CELF2: variants seen among roughly 807,000 people sequenced by gnomAD.
The protein encoded by CELF2 is CUGBP Elav-like family member 2.
CELF2 carries 8 observed loss-of-function variants against 62.6 expected under a neutral mutation model. The ratio of observed to expected loss-of-function variants is 0.13; its 90% confidence interval spans 0.07 to 0.23. The LOEUF (loss-of-function observed/expected upper bound fraction) is 0.23. CELF2 is among the 10% of genes least tolerant of loss of function. CELF2 has a pLI of 1.00. For synonymous variants in CELF2, 258 were observed against 250.0 expected (o/e 1.03, Z -0.30); for missense variants, 333 against 671.0 (o/e 0.50, Z 5.56).
chr10:10,776,514 T>C, the CELF2 span: 1 of 154,016 alleles, frequency 6.5e-6, no homozygotes, highest in African/African-American at 2.4e-5. Context: ...TTATGTATAA[T>C]ATTTGTCAAG....
At chr10:10,616,295 GGTGTGTGTGTGTGTGT>G in the CELF2 span, among the ~76,000 whole-genome samples, 8 of 143,954 alleles carry the variant, frequency 5.6e-5, no homozygotes, top group South Asian at 2.3e-4. Context: ...TTTTGTTTGG[GGTGTGTGTGTGTGTGT>G]GTGTGTGTGT....
chr10:11,275,843 G>T (rs956345739), intron 8 of CELF2, among the ~76,000 whole-genome samples: 2 of 152,140 alleles, frequency 1.3e-5, no homozygotes, highest in South Asian at 4.1e-4. Flanking sequence ...TACCTAACAC[G>T]GGGCCAGGGA....
chr10:11,239,791 G>C (rs2073097397), intron 3 of CELF2, among the ~76,000 whole-genome samples: 1 of 152,068 alleles, frequency 6.6e-6, no homozygotes, highest in South Asian at 2.1e-4. Flanking sequence ...AGGCACAGTG[G>C]GTCGTGCCTG....
Position 11,223,842 on chromosome 10 carries a change from GCCCAGGC to G in CELF2, c.354+6342_354+6348del, listed in dbSNP as rs2065647326. Among the ~76,000 whole-genome samples, 1 of 152,154 alleles carries G rather than the reference GCCCAGGC, an allele frequency of 6.6e-6. No homozygotes were observed. The highest frequency in any genetic ancestry group is 2.4e-5 in the African/African-American group (1 of 41,432). ...GGGCCCAGTGAGTTCCATTCTGCAG[GCCCAGGC>G]CCCAGGGCAATGGGAAAGTATATTT... On this transcript the variant is annotated intron_variant, in intron 3 of 12. Transcript: ENST00000633077. This position sits in a 1 kb window ranked among gnomAD's most constrained non-coding sequence, Gnocchi z 5.1.
intron 1 of CELF2, among the ~76,000 whole-genome samples, chr10:10,871,902 C>T (rs2060773815): frequency 6.6e-6 from 1 of 152,154 alleles, no homozygotes; most frequent in Non-Finnish European, 1.5e-5. Flanking sequence ...GTCCCTAAGT[C>T]TCCTATTATA....
intron 10 of CELF2, chr10:11,320,860 C>A: frequency 1.9e-6 from 3 of 1,543,964 alleles, no homozygotes; most frequent in Non-Finnish European, 2.6e-6. Context: ...TCCTAAGCTC[C>A]CAGAAGCAAA....
the CELF2 span, among the ~76,000 whole-genome samples, chr10:10,721,337 T>A: frequency 6.6e-6 from 1 of 151,876 alleles, no homozygotes; most frequent in East Asian, 1.9e-4. Context: ...TTTACCCCTG[T>A]TAATCTACAC....
At chr10:10,533,270 T>G in the CELF2 span, among the ~76,000 whole-genome samples, 1 of 152,196 alleles carries the variant, frequency 6.6e-6, no homozygotes, top group Admixed American at 6.5e-5. Flanking sequence ...TAAACAGAGT[T>G]TGTTTTGTCT....
the CELF2 span, among the ~76,000 whole-genome samples, chr10:10,503,847 G>T: frequency 4.0e-5 from 6 of 151,756 alleles, no homozygotes; most frequent in Admixed American, 2.6e-4. Context: ...TTGAACAATT[G>T]TTAGATTTCC....
At chr10:10,572,004 T>A in the CELF2 span, among the ~76,000 whole-genome samples, 3 of 152,080 alleles carry the variant, frequency 2.0e-5, no homozygotes, top group Non-Finnish European at 2.9e-5. Context: ...TTCACCTCAG[T>A]GGGGCAGAGC....
At position 11,251,781 on chromosome 10, in the gene CELF2, G is replaced by C. The variant is rs537248263; in HGVS notation, c.403+2580G>C. On this transcript the variant is annotated intron_variant, in intron 4 of 12. Coordinates refer to ENST00000633077, the MANE Select transcript of CELF2 (RefSeq NM_001326342.2). ...TTACATAAGTTAACGTCTATAAAGA[G>C]CTCAGCATAATACCCGGCACGTAGC... 2.6e-5 allele frequency among the ~76,000 whole-genome samples: 4 copies of C among 152,320 alleles called. No individual in the cohort carries two copies. The South Asian group carries it at 8.3e-4, about 32-fold the overall frequency.
chr10:10,622,832 G>A, the CELF2 span, among the ~76,000 whole-genome samples: 1 of 152,042 alleles, frequency 6.6e-6, no homozygotes, highest in East Asian at 1.9e-4. Context: ...GGTGGCTTAT[G>A]CCTGTAATCC....
At chr10:11,022,755 C>A (rs778259893) in intron 1 of CELF2, among the ~76,000 whole-genome samples, 3 of 152,212 alleles carry the variant, frequency 2.0e-5, no homozygotes, top group Non-Finnish European at 4.4e-5. Flanking sequence ...ATACAGCCAG[C>A]GCCCAATATG....
chr10:11,099,687 T>C (rs1340278209), intron 1 of CELF2, among the ~76,000 whole-genome samples: 4 of 152,338 alleles, frequency 2.6e-5, no homozygotes, highest in Admixed American at 2.6e-4. Flanking sequence ...AACACATTTC[T>C]TTGTTACCGT....
chr10:10,574,872 G>GCTTTTTTTTTTTTTTTTTTTTTTTT, the CELF2 span, among the ~76,000 whole-genome samples: 2 of 105,980 alleles, frequency 1.9e-5, 1 homozygote, highest in Non-Finnish European at 4.0e-5. Flanking sequence ...ACCATGCCTG[G>GCTTTTTTTTTTTTTTTTTTTTTTTT]TTTTTTTTTT....
At chr10:11,279,546 T>G (rs1339221545) in intron 8 of CELF2, among the ~76,000 whole-genome samples, 3 of 152,210 alleles carry the variant, frequency 2.0e-5, no homozygotes, top group Admixed American at 2.0e-4. Context: ...CAGTCCACAC[T>G]GCAGGCCTTA....
At chr10:10,943,857 C>G (rs2047340206) in intron 2 of CELF2, among the ~76,000 whole-genome samples, 1 of 151,702 alleles carries the variant, frequency 6.6e-6, no homozygotes, top group African/African-American at 2.4e-5. Flanking sequence ...TTGCCTCAGC[C>G]TCCCTAAGTG....
intron 1 of CELF2, among the ~76,000 whole-genome samples, chr10:10,809,874 T>C (rs1441816548): frequency 2.0e-5 from 3 of 152,160 alleles, no homozygotes; most frequent in African/African-American, 7.2e-5. Context: ...AAAACAAAAA[T>C]TTATTCTCAC....
At chr10:10,685,497 C>T in the CELF2 span, among the ~76,000 whole-genome samples, 1,396 of 152,168 alleles carry the variant, frequency 9.2e-3, 23 homozygotes, top group African/African-American at 0.032. Flanking sequence ...CAATCACATA[C>T]GATACATTCT....
Sources: gnomAD v4.1 joint callset for allele counts (sites outside exome capture counted in the v4.1 genomes callset) on GRCh38, gnomAD v4.1.1 for gene constraint, Gnocchi (gnomAD v3.1) non-coding constraint, MANE v1.5 for transcripts, NCBI Gene and HGNC (gene_info 2026-07-23, HGNC 2026-07-21) for gene names.